Variants in GRM7 observed in about 807,000 individuals in gnomAD.
GRM7 encodes glutamate metabotropic receptor 7, also known as metabotropic glutamate receptor 7.
A neutral mutation model predicts 84.5 loss-of-function variants in GRM7; 35 were observed. The ratio of observed to expected loss-of-function variants is 0.41; its 90% CI spans 0.32 to 0.55. The LOEUF (loss-of-function observed/expected upper bound fraction) is 0.55. GRM7 is among the 20% of genes least tolerant of loss of function. GRM7 has a pLI of 0.19. For synonymous variants in GRM7, 487 were observed against 455.1 expected (o/e 1.07, Z -0.89); for missense variants, 1,003 against 1,194.6 (o/e 0.84, Z 2.36).
At chr3:6,946,435 C>A in intron 1 of GRM7, among the ~76,000 whole-genome samples, 1 of 152,130 alleles carries the variant, frequency 6.6e-6, no homozygotes, top group East Asian at 1.9e-4. Flanking sequence ...GTTTTGGTAC[C>A]AGTACCATGC....
At chr3:7,516,519 C>CATTA (rs1356095445) in intron 7 of GRM7, among the ~76,000 whole-genome samples, 2 of 130,146 alleles carry the variant, frequency 1.5e-5, no homozygotes, top group African/African-American at 5.5e-5. Flanking sequence ...ATAGTTAGTT[C>CATTA]ATTAATTCTT....
chr3:7,076,188 A>G (rs1698070226), intron 1 of GRM7, among the ~76,000 whole-genome samples: 1 of 152,188 alleles, frequency 6.6e-6, no homozygotes, highest in Non-Finnish European at 1.5e-5. Context: ...ATAATCCTAG[A>G]GCACATACAA....
At chr3:7,377,639 G>GT (rs1317750571) in intron 4 of GRM7, among the ~76,000 whole-genome samples, 4 of 152,148 alleles carry the variant, frequency 2.6e-5, no homozygotes, top group Non-Finnish European at 2.9e-5. Context: ...GACCTCAGAT[G>GT]TTGATATCTT....
intron 1 of GRM7, among the ~76,000 whole-genome samples, chr3:6,998,959 T>G (rs1694919822): frequency 6.6e-6 from 1 of 152,202 alleles, no homozygotes; most frequent in South Asian, 2.1e-4. Context: ...TTCTCCTCAT[T>G]GCCTTGGTGA....
Position 7,238,996 on chromosome 3 carries a change from C to CTTTTTTTTT in GRM7, c.737-59688_737-59687insTTTTTTTTT, listed in dbSNP as rs567509392. On this transcript the variant is annotated intron_variant, in intron 2 of 9. Coordinates refer to ENST00000357716, the MANE Select transcript of GRM7 (RefSeq NM_000844.4). ...TTCTTTTCCCTTTCTTTTCTTTTTT[C>CTTTTTTTTT]CTTTTTCTTTTTTTTGACATGGTCT... 8.4e-5 allele frequency among the ~76,000 whole-genome samples: 10 copies of CTTTTTTTTT among 118,352 alleles called. 1 individual carries two copies. Among genetic ancestry groups the CTTTTTTTTT allele is most frequent in the African/African-American group, 2.0e-4 (6 of 30,394 alleles). 77.6% of individuals were successfully genotyped at this position (118,352 alleles called of 152,430 possible).
At chr3:7,572,854 AT>A (rs1559411857) in intron 7 of GRM7, among the ~76,000 whole-genome samples, 6 of 63,598 alleles carry the variant, frequency 9.4e-5, no homozygotes, top group African/African-American at 4.0e-4. Context: ...ATATATATAT[AT>A]ATATATATAT....
chr3:7,337,222 A>T (rs1202349345), intron 4 of GRM7, among the ~76,000 whole-genome samples: 4 of 152,156 alleles, frequency 2.6e-5, no homozygotes, highest in Non-Finnish European at 4.4e-5. Flanking sequence ...CACACGTCGA[A>T]GAATAAAGCT....
rs776905991 is a variant in GRM7 at position 7,680,076 on chromosome 3, A to G, written c.2479A>G (p.Ile827Val). The G allele has an allele frequency of 1.6e-5, 26 of 1,613,878 alleles. No homozygotes were observed. In the East Asian group the frequency reaches 4.9e-4, roughly 30 times the overall value. The change falls in exon 9 of 10, where the codon ATC becomes GTC. Residue 827 changes from isoleucine to valine, a missense_variant. Physicochemically the swap from Ile to Val is conservative, Grantham distance 29. Around this residue, in one of 2 missense-constraint regions of GRM7, gnomAD observed 910 missense variants for 1,126.0 expected, o/e 0.81. Coordinates refer to ENST00000357716, the MANE Select transcript of GRM7 (RefSeq NM_000844.4). ...KLYIQTTTLT[I>V]SMNLSASVAL... The stretch of plus-strand genomic sequence containing the variant: ...CTACATACAAACTACCACGCTTACA[A>G]TCTCCATGAACCTAAGTGCATCAGT...
chr3:7,036,284 A>G (rs556387327), intron 1 of GRM7, among the ~76,000 whole-genome samples: 2 of 152,226 alleles, frequency 1.3e-5, no homozygotes, highest in Admixed American at 6.5e-5. Flanking sequence ...AATAAGAAAC[A>G]TCCTACAGAA....
Position 6,984,687 on chromosome 3 carries a change from G to GT in GRM7, c.519+122789dup, listed in dbSNP as rs200149316. Among the ~76,000 whole-genome samples, 337 of 151,122 alleles carry GT rather than the reference G, an allele frequency of 2.2e-3. 1 individual carries two copies. The highest frequency in any genetic ancestry group is 3.1e-3 in the Admixed American group (47 of 15,128). On this transcript the variant is annotated intron_variant, in intron 1 of 9. Coordinates refer to ENST00000357716, the MANE Select transcript of GRM7 (RefSeq NM_000844.4). ...TCTGGATCTTGCACTCACCCTGAAT[G>GT]TTTTTTTTTAGCCTTTATGGAGGGG...
At chr3:6,977,429 A>C (rs1328288706) in intron 1 of GRM7, among the ~76,000 whole-genome samples, 1 of 151,824 alleles carries the variant, frequency 6.6e-6, no homozygotes, top group East Asian at 1.9e-4. Context: ...CACATGATTG[A>C]AATAAATCGT....
chr3:6,888,249 G>C (rs1424677250), intron 1 of GRM7, among the ~76,000 whole-genome samples: 9 of 152,042 alleles, frequency 5.9e-5, no homozygotes, highest in Non-Finnish European at 1.3e-4. Context: ...GATCCCATTT[G>C]TCAATTTTGT....
intron 2 of GRM7, among the ~76,000 whole-genome samples, chr3:7,251,130 T>C (rs116741003): frequency 0.01 from 1,542 of 152,242 alleles, 18 homozygotes; most frequent in African/African-American, 0.028. Flanking sequence ...CTGTAGGCAA[T>C]TGGGAGACAT....
chr3:7,040,912 G>A (rs1302578192), intron 1 of GRM7, among the ~76,000 whole-genome samples: 1 of 151,680 alleles, frequency 6.6e-6, no homozygotes, highest in Non-Finnish European at 1.5e-5. Flanking sequence ...GTGAAACCCA[G>A]TATCTACAAA....
At chr3:7,606,872 G>A (rs1696599760) in intron 8 of GRM7, 1 of 152,116 alleles carries the variant, frequency 6.6e-6, no homozygotes, top group Non-Finnish European at 1.5e-5. Context: ...TGATGTCAAT[G>A]TAAAGCATTG....
At chr3:7,174,725 C>A (rs1286018240) in intron 2 of GRM7, among the ~76,000 whole-genome samples, 2 of 152,174 alleles carry the variant, frequency 1.3e-5, no homozygotes, top group African/African-American at 4.8e-5. Flanking sequence ...CACAAAAACT[C>A]CAATTTCATC....
At chr3:7,069,484 C>T (rs1236418989) in intron 1 of GRM7, among the ~76,000 whole-genome samples, 1 of 152,040 alleles carries the variant, frequency 6.6e-6, no homozygotes, top group Non-Finnish European at 1.5e-5. Context: ...TTAAGGCAGT[C>T]CATAGAGGTT....
intron 1 of GRM7, among the ~76,000 whole-genome samples, chr3:7,021,833 G>A (rs1695787030): frequency 6.6e-6 from 1 of 152,150 alleles, no homozygotes; most frequent in African/African-American, 2.4e-5. Flanking sequence ...CTTAGGTACT[G>A]AGCAATTCAT....
chr3:6,958,071 G>GTA (rs937675552), intron 1 of GRM7, among the ~76,000 whole-genome samples: 19 of 147,742 alleles, frequency 1.3e-4, no homozygotes, highest in African/African-American at 4.8e-4. Flanking sequence ...TTCATTATGT[G>GTA]TATATATGTG....
Sources: gnomAD v4.1 joint callset for allele counts (sites outside exome capture counted in the v4.1 genomes callset) on GRCh38, gnomAD v4.1.1 for gene constraint, gnomAD v4.1.1 regional missense constraint, MANE v1.5 for transcripts, NCBI Gene and HGNC (gene_info 2026-07-23, HGNC 2026-07-21) for gene names.